The following WWOX variants were observed in gnomAD, a reference collection of about 807,000 sequenced individuals.
WWOX encodes the protein WW domain containing oxidoreductase.
A neutral mutation model predicts 46.2 loss-of-function variants in WWOX; 69 were observed. The ratio of observed to expected loss-of-function variants is 1.49; its 90% CI spans 1.23 to 1.82. The LOEUF (loss-of-function observed/expected upper bound fraction) is 1.82. Ranked by LOEUF, WWOX falls within the 40% of genes most tolerant of loss-of-function variation. The probability of loss-of-function intolerance (pLI) is 0.00; values close to 1 mark genes in which losing one functional copy is unlikely to be tolerated. For synonymous variants in WWOX, 359 were observed against 202.6 expected, an observed-to-expected ratio of 1.77 and a Z score of -6.56; for missense variants, 919 against 542.6, an observed-to-expected ratio of 1.69 and a Z score of -6.89.
intron 8 of WWOX, among the ~76,000 whole-genome samples, chr16:78,971,203 G>A (rs143325575): frequency 2.0e-5 from 3 of 152,166 alleles, no homozygotes; most frequent in African/African-American, 7.2e-5. Context: ...GCCTACACCT[G>A]TAATCCCAGC....
intron 8 of WWOX, among the ~76,000 whole-genome samples, chr16:78,545,148 C>G (rs1336147930): frequency 6.6e-6 from 1 of 152,194 alleles, no homozygotes; most frequent in East Asian, 1.9e-4. Flanking sequence ...CACTTTAGGA[C>G]TGACTGATTA....
At chr16:78,153,397 C>T (rs989893851) in intron 4 of WWOX, among the ~76,000 whole-genome samples, 3 of 152,134 alleles carry the variant, frequency 2.0e-5, no homozygotes, top group Non-Finnish European at 2.9e-5. Context: ...ATAGGAGAAA[C>T]TCATCCTTAA....
rs547884100 is a variant in WWOX at position 78,810,955 on chromosome 16, C to T, written c.1056+378203C>T. 5.8e-5 allele frequency among the ~76,000 whole-genome samples: 8 copies of T among 136,960 alleles called. No individual in the cohort carries two copies. The East Asian group carries it at 1.2e-3, about 21-fold the overall frequency. 89.9% of individuals were successfully genotyped at this position (136,960 alleles called of 152,430 possible). A position where few individuals can be genotyped will look rare whatever the true frequency, so the allele number is the denominator to read the frequency against. On this transcript the variant is annotated intron_variant, in intron 8 of 8. Transcript: ENST00000566780. ...ATACTGCAGGCAGAGCTGGGGATTC[C>T]GTGGCCAGAAGCATATTTGGTGAAC...
At chr16:78,464,198 A>G (rs2084019759) in intron 8 of WWOX, among the ~76,000 whole-genome samples, 1 of 152,074 alleles carries the variant, frequency 6.6e-6, no homozygotes, top group Non-Finnish European at 1.5e-5. Context: ...TGGGTTGTCT[A>G]GTACTAAGCA....
chr16:78,744,411 G>T (rs905762589), intron 8 of WWOX, among the ~76,000 whole-genome samples: 1 of 145,946 alleles, frequency 6.9e-6, no homozygotes, highest in African/African-American at 2.6e-5. Context: ...AAGGGCCCAT[G>T]GTCCACACTG....
chr16:78,349,998 G>A (rs1297131164), intron 5 of WWOX, among the ~76,000 whole-genome samples: 2 of 120,954 alleles, frequency 1.7e-5, no homozygotes, highest in East Asian at 3.9e-4. Context: ...ACACTCTTAA[G>A]CCAAATAACA....
chr16:78,725,971 C>A (rs1597498441), intron 8 of WWOX, among the ~76,000 whole-genome samples: 1 of 146,726 alleles, frequency 6.8e-6, no homozygotes, highest in African/African-American at 2.5e-5. Context: ...TTTTCTTCTC[C>A]TCCTCCTTCT....
At chr16:78,316,432 C>G (rs1245242818) in intron 5 of WWOX, among the ~76,000 whole-genome samples, 4 of 152,022 alleles carry the variant, frequency 2.6e-5, no homozygotes, top group Admixed American at 1.3e-4. Flanking sequence ...CCTCCGACCC[C>G]CCTGGGTTCA....
chr16:78,526,253 T>C (rs2043465219), intron 8 of WWOX: 1 of 152,328 alleles, frequency 6.6e-6, no homozygotes, highest in African/African-American at 2.4e-5. Flanking sequence ...CACTCCTAAT[T>C]GCTTCATGTG....
At chr16:78,159,672 G>GTTTTTTTTTTTTTTTT (rs35468343) in intron 4 of WWOX, among the ~76,000 whole-genome samples, 3 of 55,382 alleles carry the variant, frequency 5.4e-5, no homozygotes, top group Admixed American at 2.2e-4. Flanking sequence ...AAAATCTGTG[G>GTTTTTTTTTTTTTTTT]TTTTTTTTTT....
intron 8 of WWOX, among the ~76,000 whole-genome samples, chr16:78,819,965 C>T (rs142891357): frequency 9.9e-5 from 15 of 152,248 alleles, no homozygotes; most frequent in African/African-American, 3.4e-4. Flanking sequence ...AATTTATACT[C>T]TTAGTTTGAT....
chr16:78,245,612 A>G (rs1320427784), intron 5 of WWOX, among the ~76,000 whole-genome samples: 1 of 152,216 alleles, frequency 6.6e-6, no homozygotes, highest in Non-Finnish European at 1.5e-5. Context: ...TTTATTTTAA[A>G]GTCGAGTGAA....
At chr16:78,546,102 T>G (rs1408134151) in intron 8 of WWOX, among the ~76,000 whole-genome samples, 2 of 152,208 alleles carry the variant, frequency 1.3e-5, no homozygotes, top group African/African-American at 4.8e-5. Context: ...CTCTGTCAGT[T>G]TTTTATGGAA....
At chr16:78,904,234 C>CTTTTTTT (rs5818190) in intron 8 of WWOX, among the ~76,000 whole-genome samples, 2 of 85,772 alleles carry the variant, frequency 2.3e-5, no homozygotes, top group African/African-American at 4.4e-5. Flanking sequence ...TTATAAATGC[C>CTTTTTTT]TTTTTTTTTT....
chr16:79,140,397 T>C (rs530063690), intron 8 of WWOX, among the ~76,000 whole-genome samples: 2 of 152,204 alleles, frequency 1.3e-5, no homozygotes, highest in African/African-American at 2.4e-5. Flanking sequence ...CCAGCTCTTA[T>C]AATCACTTGC....
intron 5 of WWOX, among the ~76,000 whole-genome samples, chr16:78,336,702 C>G (rs1053948901): frequency 1.3e-5 from 2 of 151,990 alleles, no homozygotes; most frequent in Admixed American, 1.3e-4. Flanking sequence ...GCCATCTTTT[C>G]TAATTTTTTT....
At chr16:78,434,216 G>A (rs1329683893) in intron 8 of WWOX, among the ~76,000 whole-genome samples, 2 of 152,098 alleles carry the variant, frequency 1.3e-5, no homozygotes, top group Admixed American at 6.5e-5. Context: ...TCCAAGAGTC[G>A]AATACTTAGG....
At chr16:78,337,202 C>T (rs568429943) in intron 5 of WWOX, among the ~76,000 whole-genome samples, 3 of 152,178 alleles carry the variant, frequency 2.0e-5, no homozygotes, top group Admixed American at 6.5e-5. Flanking sequence ...GTGTTATTAG[C>T]AAATCCCTCA....
intron 5 of WWOX, among the ~76,000 whole-genome samples, chr16:78,298,636 A>G (rs778193704): frequency 3.9e-5 from 6 of 152,138 alleles, no homozygotes; most frequent in Non-Finnish European, 2.9e-5. Context: ...TACTAAAAAT[A>G]TAAAATTTGC....
Sources: allele counts gnomAD v4.1 joint callset (sites outside exome capture counted in the v4.1 genomes callset), GRCh38; gene constraint gnomAD v4.1.1; transcripts MANE v1.5; gene names NCBI Gene and HGNC (gene_info 2026-07-23, HGNC 2026-07-21).